The following PHF20L1 variants were observed in gnomAD, a reference collection of about 807,000 sequenced individuals.
The protein encoded by PHF20L1 is PHD finger protein 20-like protein 1.
PHF20L1 carries 44 observed loss-of-function variants against 125.5 expected under a neutral mutation model. The ratio of observed to expected loss-of-function variants is 0.35; its 90% confidence interval spans 0.28 to 0.45. The LOEUF (loss-of-function observed/expected upper bound fraction) is 0.45, where lower values mean the gene tolerates loss of function less well. Ranked by LOEUF, PHF20L1 falls within the 20% of genes least tolerant of loss-of-function variation. The probability of loss-of-function intolerance (pLI) is 1.00; values close to 1 mark genes in which losing one functional copy is unlikely to be tolerated. For synonymous variants in PHF20L1, 380 were observed against 403.1 expected, an observed-to-expected ratio of 0.94 and a Z score of 0.69; for missense variants, 1,012 against 1,217.2, an observed-to-expected ratio of 0.83 and a Z score of 2.51.
chr8:132,784,115 C>T (rs939341292), intron 2 of PHF20L1, among the ~76,000 whole-genome samples: 1 of 152,106 alleles, frequency 6.6e-6, no homozygotes, highest in Non-Finnish European at 1.5e-5. Flanking sequence ...TTCCCTCTAC[C>T]CCTCCAAAAA....
chr8:132,820,668 G>A (rs981400623), intron 12 of PHF20L1, among the ~76,000 whole-genome samples: 1 of 151,994 alleles, frequency 6.6e-6, no homozygotes, highest in East Asian at 1.9e-4. Flanking sequence ...TGAGATTATA[G>A]TAGATGATGT....
intron 20 of PHF20L1, among the ~76,000 whole-genome samples, chr8:132,845,489 ATG>A (rs142774736): frequency 1.6e-3 from 249 of 152,032 alleles, no homozygotes; most frequent in Non-Finnish European, 3.0e-3. Context: ...GTATATGTTT[ATG>A]TGTGTGTGTA....
intron 12 of PHF20L1, among the ~76,000 whole-genome samples, chr8:132,823,326 G>C (rs989242774): frequency 6.6e-6 from 1 of 151,958 alleles, no homozygotes; most frequent in Non-Finnish European, 1.5e-5. Flanking sequence ...TTGAAAACCA[G>C]TATGCTTTAA....
At chr8:132,789,867 G>C (rs1831473021) in intron 2 of PHF20L1, among the ~76,000 whole-genome samples, 1 of 152,174 alleles carries the variant, frequency 6.6e-6, no homozygotes, top group African/African-American at 2.4e-5. Flanking sequence ...CCTACTTTTA[G>C]TGAAGTTGCC....
Position 132,799,111 on chromosome 8 carries a change from C to T in PHF20L1, c.446C>T (p.Pro149Leu). 1 of 1,609,866 alleles carries T rather than the reference C, an allele frequency of 6.2e-7. No homozygotes were observed. The highest frequency in any genetic ancestry group is 8.5e-7 in the Non-Finnish European group (1 of 1,177,296). Residue 149 changes from proline to leucine, a missense_variant, in exon 6 of 21, where the codon CCA becomes CTA. Pro to Leu is a moderately conservative substitution (Grantham distance 98). Coordinates refer to ENST00000395386, the MANE Select transcript of PHF20L1 (RefSeq NM_016018.5). Reference sequence around the variant, plus strand: ...CTGTTCCAGGTGAAATCCCAGCATCCACTAAGCTGGTGTTGTCCTATCGAC... The same window carrying T: ...CTGTTCCAGGTGAAATCCCAGCATCTACTAAGCTGGTGTTGTCCTATCGAC... ...DAKGQVKSQHPLSWCCPIDPA... is the reference protein window; with the variant it reads ...DAKGQVKSQHLLSWCCPIDPA...
At chr8:132,841,858 G>A (rs1837967083) in intron 18 of PHF20L1, 1 of 152,058 alleles carries the variant, frequency 6.6e-6, no homozygotes, top group Admixed American at 6.6e-5. Flanking sequence ...AACATATAAT[G>A]GTAGGGAATT....
rs1461927257 is a variant in PHF20L1 at position 132,775,558 on chromosome 8, A to G, written c.-125A>G. 5.6e-6 allele frequency: 2 copies of G among 357,264 alleles called. No individual in the cohort carries two copies. The highest frequency in any genetic ancestry group is 1.0e-5 in the Non-Finnish European group (2 of 198,524). The allele number at this position is 357,264 out of a possible 1,614,324, so 22.1% of individuals were successfully genotyped here. A position where few individuals can be genotyped will look rare whatever the true frequency, so the allele number is the denominator to read the frequency against. ...CCCCGGCCGCTGCCTGGGCGGAGGC[A>G]GAGGCAGAGGCCCGGGCTGGCCGCC... On this transcript the variant is annotated 5_prime_UTR_variant, in exon 1 of 21. Transcript: ENST00000395386.
intron 12 of PHF20L1, among the ~76,000 whole-genome samples, chr8:132,821,413 C>T (rs977344148): frequency 1.2e-4 from 18 of 151,938 alleles, no homozygotes; most frequent in African/African-American, 4.3e-4. Flanking sequence ...GTCAGTTCTA[C>T]CTCATCTGCC....
At chr8:132,785,892 T>C (rs190514901) in intron 2 of PHF20L1, among the ~76,000 whole-genome samples, 2 of 152,256 alleles carry the variant, frequency 1.3e-5, no homozygotes, top group East Asian at 3.9e-4. Context: ...AAGCTACTTA[T>C]ATGAAATGGT....
At chr8:132,807,824 T>C (rs1833913105) in intron 8 of PHF20L1, 1 of 451,640 alleles carries the variant, frequency 2.2e-6, no homozygotes, top group Non-Finnish European at 4.4e-6. Context: ...TTCTTTTACC[T>C]AAGTTTAAAT....
rs752763914 is a variant in PHF20L1, at chr8:132,839,632, T to C, written c.2387+50T>C. On this transcript the variant is annotated intron_variant, in intron 18 of 20. Transcript: ENST00000395386. The stretch of plus-strand genomic sequence containing the variant: ...GGTCACACTTCAGTGGACGTTTTAA[T>C]TCAAACCAACACTGTTGGCCTTTTG... The C allele has an allele frequency of 3.0e-6, 4 of 1,346,532 alleles. No homozygotes were observed. In the South Asian group the frequency reaches 3.6e-5, roughly 12 times the overall value. 83.4% of individuals were successfully genotyped at this position (1,346,532 alleles called of 1,614,324 possible). A position where few individuals can be genotyped will look rare whatever the true frequency, so the allele number is the denominator to read the frequency against.
intron 8 of PHF20L1, chr8:132,808,903 G>T (rs887129354): frequency 6.6e-6 from 1 of 150,720 alleles, no homozygotes; most frequent in African/African-American, 2.4e-5. Context: ...TAGAGATGGG[G>T]TCTTGCTATA....
intron 4 of PHF20L1, among the ~76,000 whole-genome samples, chr8:132,797,760 A>G (rs571757437): frequency 2.0e-5 from 3 of 150,162 alleles, no homozygotes; most frequent in African/African-American, 7.3e-5. Flanking sequence ...AGAGTACCCA[A>G]AAAAAAAAAT....
In PHF20L1 at chr8:132,804,044, A is replaced by T; in HGVS notation, c.721+12A>T. 6.5e-7 allele frequency: 1 copy of T among 1,538,724 alleles called. No homozygotes were observed. Among genetic ancestry groups the T allele is most frequent in the Middle Eastern group, 1.7e-4 (1 of 5,876 alleles). On this transcript the variant is annotated intron_variant, in intron 7 of 20. Coordinates refer to ENST00000395386, the MANE Select transcript of PHF20L1 (RefSeq NM_016018.5). Reference sequence around the variant, plus strand: ...TAGTGAAACATTTGGTACAAAATACATTCTTACGTTAATTCCTTATGACAC... The same window carrying T: ...TAGTGAAACATTTGGTACAAAATACTTTCTTACGTTAATTCCTTATGACAC...
chr8:132,816,878 C>G lies in PHF20L1; in HGVS notation c.1184-10C>G. ...TATCTGCTTCGTGAACATTGAAGAT[C>G]TTTTTCTAGGTCCTCCACAGCCTGT... On this transcript the variant is annotated splice_polypyrimidine_tract_variant and intron_variant, in intron 10 of 20. Coordinates refer to ENST00000395386, the MANE Select transcript of PHF20L1 (RefSeq NM_016018.5). 2 of 1,599,432 alleles carry G rather than the reference C, an allele frequency of 1.3e-6. No individual in the cohort carries two copies. Among genetic ancestry groups the G allele is most frequent in the South Asian group, 2.2e-5 (2 of 90,534 alleles).
intron 2 of PHF20L1, among the ~76,000 whole-genome samples, chr8:132,779,300 A>G (rs946949279): frequency 2.0e-5 from 3 of 152,206 alleles, no homozygotes; most frequent in Non-Finnish European, 4.4e-5. Flanking sequence ...CCAAATGACA[A>G]CTGGAATGAG....
At chr8:132,786,367 G>A (rs2553594) in intron 2 of PHF20L1, among the ~76,000 whole-genome samples, 70,174 of 151,812 alleles carry the variant, frequency 0.46, 16,354 homozygotes, top group African/African-American at 0.52. Context: ...AATTTTATGC[G>A]TGGAGGATAT....
chr8:132,817,057 A>G lies in PHF20L1; in HGVS notation c.1353A>G (p.Gln451=), dbSNP rs1298110785. The G allele has an allele frequency of 6.3e-7, 1 of 1,583,556 alleles. No individual in the cohort carries two copies. Among genetic ancestry groups the G allele is most frequent in the African/African-American group, 1.4e-5 (1 of 73,726 alleles). Residue 451 remains glutamine, a synonymous_variant, in exon 11 of 21, where the codon CAA becomes CAG. Transcript: ENST00000395386. ...TCTCCATCAGTTCTCAAAATCAGCA[A>G]GAATCTTCAGTACCAGAGGGTAATG... is the stretch of plus-strand genomic sequence containing the variant. ...KVFSISSQNQ[Q]ESSVPEVPDV...
At chr8:132,792,844 TAA>T (rs1831899680) in intron 2 of PHF20L1, among the ~76,000 whole-genome samples, 1 of 152,196 alleles carries the variant, frequency 6.6e-6, no homozygotes, top group African/African-American at 2.4e-5. Flanking sequence ...TTGACTCTAG[TAA>T]CACTGAATGC....
Sources: allele counts gnomAD v4.1 joint callset (sites outside exome capture counted in the v4.1 genomes callset), GRCh38; gene constraint gnomAD v4.1.1; transcripts MANE v1.5; gene names NCBI Gene and HGNC (gene_info 2026-07-23, HGNC 2026-07-21).